The following OR7C1 variants were observed in gnomAD, a reference collection of about 807,000 sequenced individuals.
The protein encoded by OR7C1 is olfactory receptor family 7 subfamily C member 1.
For synonymous variants in OR7C1, 152 were observed against 160.7 expected, an observed-to-expected ratio of 0.95 and a Z score of 0.41; for missense variants, 324 against 383.3, an observed-to-expected ratio of 0.85 and a Z score of 1.29.
chr19:14,806,060 C>G (rs1229820931), intron 2 of OR7C1, among the ~76,000 whole-genome samples: 1 of 147,842 alleles, frequency 6.8e-6, no homozygotes, highest in African/African-American at 2.7e-5. Flanking sequence ...TAAGTCTGTA[C>G]TATTTAGAGT....
intron 1 of OR7C1, among the ~76,000 whole-genome samples, chr19:14,823,163 C>T (rs62122650): frequency 0.012 from 1,775 of 152,052 alleles, 14 homozygotes; most frequent in Non-Finnish European, 0.02. Flanking sequence ...TAAAAATTTG[C>T]GTAAATTGGT....
chr19:14,828,195 C>A, intron 1 of OR7C1: 1 of 1,613,190 alleles, frequency 6.2e-7, no homozygotes, highest in Non-Finnish European at 8.5e-7. Context: ...TTGTGAAAAT[C>A]CCAGAAGAAG....
intron 1 of OR7C1, chr19:14,824,800 C>T (rs547115840): frequency 2.6e-5 from 4 of 152,314 alleles, no homozygotes; most frequent in Non-Finnish European, 5.9e-5. Context: ...AATCTCCAAA[C>T]CGCTTCCCAC....
intron 1 of OR7C1, among the ~76,000 whole-genome samples, chr19:14,829,687 C>G (rs8101838): frequency 0.48 from 73,442 of 152,072 alleles, 18,665 homozygotes; most frequent in East Asian, 0.7. Context: ...ACTTTATTAA[C>G]TGGACTAGAA....
At chr19:14,820,091 A>G (rs1391031198) in intron 1 of OR7C1, among the ~76,000 whole-genome samples, 2 of 152,036 alleles carry the variant, frequency 1.3e-5, no homozygotes, top group East Asian at 1.9e-4. Flanking sequence ...TTGTATTTGT[A>G]GTAGAGACAG....
intron 1 of OR7C1, among the ~76,000 whole-genome samples, chr19:14,810,564 T>TA (rs987454677): frequency 1.3e-5 from 2 of 148,852 alleles, no homozygotes; most frequent in African/African-American, 2.5e-5. Flanking sequence ...TTTTTTTTTT[T>TA]ATAGTGGAGA....
At chr19:14,799,673 C>T (rs1378224615) in exon 5 of OR7C1, 3 of 1,614,082 alleles carry the variant, frequency 1.9e-6, no homozygotes, top group East Asian at 2.2e-5. Context: ...GAGCAGGGAA[C>T]CCATGACACT....
chr19:14,799,952 A>T, exon 5 of OR7C1: 5 of 1,614,066 alleles, frequency 3.1e-6, no homozygotes, highest in Non-Finnish European at 3.4e-6. Context: ...GTTGGAGAGG[A>T]AGAAGTACAT....
At chr19:14,816,673 G>A (rs191897542) in intron 1 of OR7C1, among the ~76,000 whole-genome samples, 9 of 152,166 alleles carry the variant, frequency 5.9e-5, no homozygotes, top group South Asian at 2.1e-4. Context: ...GCTTGAAGAC[G>A]ATCTATTGTG....
At chr19:14,810,153 G>C (rs566223350) in intron 1 of OR7C1, among the ~76,000 whole-genome samples, 160 bp from the exon 2 acceptor site, 5 of 151,938 alleles carry the variant, frequency 3.3e-5, no homozygotes, top group Non-Finnish European at 5.9e-5. Context: ...TTCATTCCCC[G>C]TGGGCTCACC....
rs2044786998 is a variant in OR7C1, at chr19:14,827,845, T to C, written c.-623+7229A>G. ...CAGAGGTGAGGGTTCATAATGACCA[T>C]GTAGTGCAGGGGGTGACAGATGGCC... On this transcript the variant is annotated intron_variant, in intron 1 of 4. Coordinates refer to ENST00000641666, the Ensembl canonical transcript of OR7C1. The C allele has an allele frequency of 1.9e-6, 3 of 1,614,030 alleles. No individual in the cohort carries two copies. The Admixed American group carries it at 5.0e-5, about 27-fold the overall frequency.
At chr19:14,798,648 T>G (rs1265054458) in exon 5 of OR7C1, 1 of 152,636 alleles carries the variant, frequency 6.6e-6, no homozygotes. Context: ...TGAGGAGGTG[T>G]TGTCTGATTT....
rs532698340 is a variant in OR7C1 at position 14,832,650 on chromosome 19, C to T, written c.-623+2424G>A. Among the ~76,000 whole-genome samples, 445 of 152,034 alleles carry T rather than the reference C, an allele frequency of 2.9e-3. 7 individuals carry two copies. Among genetic ancestry groups the T allele is most frequent in the Non-Finnish European group, 2.5e-3 (170 of 67,992 alleles). On this transcript the variant is annotated intron_variant, in intron 1 of 4. Coordinates refer to ENST00000641666, the Ensembl canonical transcript of OR7C1. ...CCATGTTGGCCAGGATGGTCTCGATCTCCTGACCCCGTGATCCACCCACCT... is the reference window on the plus strand; with the variant it reads ...CCATGTTGGCCAGGATGGTCTCGATTTCCTGACCCCGTGATCCACCCACCT...
At chr19:14,806,214 G>A (rs1201380559) in intron 2 of OR7C1, among the ~76,000 whole-genome samples, 1 of 151,838 alleles carries the variant, frequency 6.6e-6, no homozygotes, top group East Asian at 1.9e-4. Context: ...TGTGTGTGAG[G>A]TCTTTAGCCT....
chr19:14,826,582 T>A (rs1446163191), intron 1 of OR7C1: 2 of 152,206 alleles, frequency 1.3e-5, no homozygotes, highest in Admixed American at 6.5e-5. Flanking sequence ...TCCATAGCAA[T>A]TCAATGTATG....
At chr19:14,822,474 A>C (rs879053860) in intron 1 of OR7C1, among the ~76,000 whole-genome samples, 1 of 133,074 alleles carries the variant, frequency 7.5e-6, no homozygotes, top group Non-Finnish European at 1.5e-5. Context: ...AACCTCCACC[A>C]CCCAAGTTCA....
chr19:14,815,130 CT>C (rs2044710298), intron 1 of OR7C1, among the ~76,000 whole-genome samples: 1 of 152,210 alleles, frequency 6.6e-6, no homozygotes, highest in Non-Finnish European at 1.5e-5. Flanking sequence ...CCCCCAGCCC[CT>C]ATTCCAGCAG....
At chr19:14,821,160 C>T (rs1016622671) in intron 1 of OR7C1, among the ~76,000 whole-genome samples, 1 of 152,172 alleles carries the variant, frequency 6.6e-6, no homozygotes, top group Admixed American at 6.6e-5. Context: ...ATCGTTTGAA[C>T]CTGGGAGGTG....
intron 1 of OR7C1, among the ~76,000 whole-genome samples, chr19:14,829,422 T>C (rs1429031463): frequency 6.6e-6 from 1 of 152,210 alleles, no homozygotes; most frequent in African/African-American, 2.4e-5. Flanking sequence ...AGGCTGGTCT[T>C]GAACTCCCAA....
Sources: gnomAD v4.1 joint callset for allele counts (sites outside exome capture counted in the v4.1 genomes callset) on GRCh38, gnomAD v4.1.1 for gene constraint, MANE v1.5 for transcripts, NCBI Gene and HGNC (gene_info 2026-07-23, HGNC 2026-07-21) for gene names.